P3H2: variants seen among roughly 807,000 people sequenced by gnomAD.
The protein encoded by P3H2 is prolyl 3-hydroxylase 2.
In P3H2, 80 loss-of-function variants were observed where a neutral mutation model predicts 87.0. The ratio of observed to expected loss-of-function variants is 0.92; its 90% confidence interval spans 0.77 to 1.11. The LOEUF (loss-of-function observed/expected upper bound fraction) is 1.11. Ranked by LOEUF, P3H2 falls within the 50% of genes least tolerant of loss-of-function variation. The probability of loss-of-function intolerance (pLI) is 0.00; values close to 1 mark genes in which losing one functional copy is unlikely to be tolerated. For missense variants in P3H2, 1,001 were observed against 923.9 expected, an observed-to-expected ratio of 1.08 and a Z score of -1.08; for synonymous variants, 367 against 359.3, an observed-to-expected ratio of 1.02 and a Z score of -0.24.
chr3:189,983,424 A>G (rs986709778), intron 7 of P3H2: 1 of 371,796 alleles, frequency 2.7e-6, no homozygotes, highest in African/African-American at 2.0e-5. Context: ...AATCTCAAGT[A>G]GGAAAAAAAT....
intron 13 of P3H2, among the ~76,000 whole-genome samples, chr3:189,970,121 A>G (rs1723125944): frequency 1.5e-5 from 2 of 136,500 alleles, no homozygotes; most frequent in East Asian, 2.2e-4. Context: ...GTGTGTGTGT[A>G]TCAATTTTCA....
intron 1 of P3H2, among the ~76,000 whole-genome samples, chr3:190,065,915 T>C (rs2108969490): frequency 6.6e-6 from 1 of 152,232 alleles, no homozygotes; most frequent in East Asian, 1.9e-4. Flanking sequence ...ACTATTGTCG[T>C]TCAGGTAGAA....
At chr3:189,969,149 G>T in intron 13 of P3H2, 1 of 603,190 alleles carries the variant, frequency 1.7e-6, no homozygotes, top group East Asian at 3.0e-5. Context: ...TTTTCTTTCG[G>T]GGTCTGTAAG....
intron 1 of P3H2, among the ~76,000 whole-genome samples, chr3:190,089,696 C>T (rs1727347779): frequency 6.6e-6 from 1 of 152,144 alleles, no homozygotes; most frequent in Non-Finnish European, 1.5e-5. Context: ...CATGGGAGGG[C>T]AAGTATGTCA....
chr3:190,013,279 C>T (rs1724651086), intron 1 of P3H2, among the ~76,000 whole-genome samples: 1 of 152,222 alleles, frequency 6.6e-6, no homozygotes, highest in Non-Finnish European at 1.5e-5. Context: ...GGACACCTAA[C>T]TCAATTTATT....
Position 189,956,995 on chromosome 3 carries a change from A to G in P3H2, c.*917T>C, listed in dbSNP as rs533053447. 3 of 397,706 alleles carry G rather than the reference A, an allele frequency of 7.5e-6. No homozygotes were observed. The highest frequency in any genetic ancestry group is 4.4e-5 in the Admixed American group (1 of 22,706). The allele number at this position is 397,706 out of a possible 1,614,324, so 24.6% of individuals were successfully genotyped here. ...GAAAAGCCATTCTACTACAACCTCTACATGACCTTTTAAAGTGTACAACTT... is the reference window on the plus strand; with the variant it reads ...GAAAAGCCATTCTACTACAACCTCTGCATGACCTTTTAAAGTGTACAACTT... On this transcript the variant is annotated 3_prime_UTR_variant, in exon 15 of 15. Coordinates refer to ENST00000319332, the MANE Select transcript of P3H2 (RefSeq NM_018192.4).
At chr3:190,011,965 T>G (rs1416746340) in intron 1 of P3H2, among the ~76,000 whole-genome samples, 1 of 152,176 alleles carries the variant, frequency 6.6e-6, no homozygotes, top group East Asian at 1.9e-4. Flanking sequence ...ACTTCTAATT[T>G]TTTTCTTGTT....
intron 1 of P3H2, among the ~76,000 whole-genome samples, chr3:190,099,445 T>C (rs1431532191): frequency 6.6e-6 from 1 of 152,220 alleles, no homozygotes; most frequent in African/African-American, 2.4e-5. Context: ...GAATAACTCC[T>C]TTTTTCTTTA....
intron 1 of P3H2, among the ~76,000 whole-genome samples, chr3:190,010,817 T>A (rs1163024032): frequency 1.3e-5 from 2 of 152,224 alleles, no homozygotes; most frequent in African/African-American, 4.8e-5. Flanking sequence ...TAATTTAATC[T>A]GACTTTAAAC....
intron 1 of P3H2, among the ~76,000 whole-genome samples, chr3:190,088,144 G>A (rs1457929167): frequency 6.6e-6 from 1 of 152,008 alleles, no homozygotes; most frequent in East Asian, 1.9e-4. Context: ...TCTCATTGAT[G>A]ATAATAAAAA....
At chr3:190,018,220 C>T (rs1040750070) in intron 1 of P3H2, among the ~76,000 whole-genome samples, 4 of 152,214 alleles carry the variant, frequency 2.6e-5, no homozygotes, top group African/African-American at 9.7e-5. Context: ...TAATCACTCA[C>T]ATTTGCCACT....
intron 3 of P3H2, among the ~76,000 whole-genome samples, chr3:189,989,397 T>G (rs1723808490): frequency 6.6e-6 from 1 of 152,138 alleles, no homozygotes. Flanking sequence ...GGTCTCTCTT[T>G]GGATATCTTG....
chr3:190,118,824 T>C (rs1712397692), intron 1 of P3H2, among the ~76,000 whole-genome samples: 1 of 150,722 alleles, frequency 6.6e-6, no homozygotes, highest in Non-Finnish European at 1.5e-5. Context: ...GGTCCAGCCG[T>C]GCTCACGCCT....
At chr3:190,070,855 A>G (rs1170145050) in intron 1 of P3H2, among the ~76,000 whole-genome samples, 1 of 152,190 alleles carries the variant, frequency 6.6e-6, no homozygotes, top group Non-Finnish European at 1.5e-5. Flanking sequence ...ACTCCTGTTC[A>G]TTGAGAAAAA....
At chr3:189,972,758 G>A in intron 11 of P3H2, 116 bp downstream of exon 11, 1 of 1,161,612 alleles carries the variant, frequency 8.6e-7, no homozygotes, top group South Asian at 1.3e-5. Flanking sequence ...TTTTGTTTTG[G>A]AAATCTAGAA....
At chr3:189,964,512 T>C (rs1722916225) in intron 13 of P3H2, among the ~76,000 whole-genome samples, 1 of 152,244 alleles carries the variant, frequency 6.6e-6, no homozygotes, top group Non-Finnish European at 1.5e-5. Context: ...AAACAGGACA[T>C]CTGCAGTGCT....
intron 1 of P3H2, among the ~76,000 whole-genome samples, chr3:190,119,412 G>A (rs1180773072): frequency 6.6e-6 from 1 of 152,178 alleles, no homozygotes; most frequent in Non-Finnish European, 1.5e-5. Flanking sequence ...GGAGGTTGAA[G>A]AACTCATTCA....
intron 1 of P3H2, among the ~76,000 whole-genome samples, chr3:190,074,549 G>A (rs907385220): frequency 6.6e-6 from 1 of 151,596 alleles, no homozygotes. Flanking sequence ...TGATTCTAAA[G>A]GTACAATTTC....
chr3:189,969,542 A>G (rs1723107300), intron 13 of P3H2: 9 of 1,240,656 alleles, frequency 7.3e-6, no homozygotes, highest in Non-Finnish European at 1.1e-5. Context: ...AATAATGACA[A>G]TATCGCCAGG....
Sources: gnomAD v4.1 joint callset for allele counts (sites outside exome capture counted in the v4.1 genomes callset) on GRCh38, gnomAD v4.1.1 for gene constraint, MANE v1.5 for transcripts, NCBI Gene and HGNC (gene_info 2026-07-23, HGNC 2026-07-21) for gene names.